PRICKLE3: variants seen among roughly 807,000 people sequenced by gnomAD.
The protein encoded by PRICKLE3 is LIM domain only protein 6.
Under a neutral mutation model 33.8 loss-of-function variants are expected in PRICKLE3, and 17 were observed. The observed-to-expected ratio is 0.50, with a 90% CI of 0.34 to 0.75. PRICKLE3 has a LOEUF of 0.75. Ranked by LOEUF, PRICKLE3 falls within the 30% of genes least tolerant of loss-of-function variation. The probability of loss-of-function intolerance (pLI) is 0.01; values close to 1 mark genes in which losing one functional copy is unlikely to be tolerated. For synonymous variants in PRICKLE3, 211 were observed against 219.6 expected (o/e 0.96, Z 0.34); for missense variants, 573 against 576.7 (o/e 0.99, Z 0.07).
At chrX:49,176,499 C>T (rs782114282) in intron 8 of PRICKLE3, among the ~76,000 whole-genome samples, 2 of 107,950 alleles carry the variant, frequency 1.9e-5, no homozygotes, top group African/African-American at 6.8e-5. Flanking sequence ...GTGTGGGGGG[C>T]GTGGCCAGGG....
intron 3 of PRICKLE3, among the ~76,000 whole-genome samples, chrX:49,183,426 G>A (rs2065467036): frequency 9.0e-6 from 1 of 111,687 alleles, no homozygotes; most frequent in African/African-American, 3.3e-5. Flanking sequence ...AGGCAGGGTG[G>A]CATGCACCTG....
intron 1 of PRICKLE3, among the ~76,000 whole-genome samples, chrX:49,185,945 A>T (rs2065481041): frequency 9.4e-6 from 1 of 106,402 alleles, no homozygotes; most frequent in East Asian, 3.0e-4. Flanking sequence ...GTTCCTGCTC[A>T]ACCTAAGGCT....
In PRICKLE3 at chrX:49,183,725, T is replaced by G. The variant is rs1557101481; in HGVS notation, c.312+9A>C. The G allele has an allele frequency of 8.3e-7, 1 of 1,211,653 alleles. No individual in the cohort carries two copies. The highest frequency in any genetic ancestry group is 1.1e-6 in the Non-Finnish European group (1 of 895,374). Reference sequence around the variant, plus strand: ...GGACAGCAAGAGTGGAGGGCTGGCCTCTGGTCACCTGCTCCGGCTTAAGGC... The same window carrying G: ...GGACAGCAAGAGTGGAGGGCTGGCCGCTGGTCACCTGCTCCGGCTTAAGGC... On this transcript the variant is annotated intron_variant, in intron 3 of 8. Coordinates refer to ENST00000599218, the MANE Select transcript of PRICKLE3 (RefSeq NM_006150.5).
chrX:49,180,853 T>C (rs940258811), intron 3 of PRICKLE3, among the ~76,000 whole-genome samples: 5 of 111,308 alleles, frequency 4.5e-5, no homozygotes, highest in African/African-American at 1.6e-4. Flanking sequence ...GACAAACACA[T>C]ACGTCCAGCT....
intron 7 of PRICKLE3, among the ~76,000 whole-genome samples, chrX:49,177,715 C>T (rs1399474389): frequency 3.6e-5 from 4 of 111,780 alleles, no homozygotes; most frequent in African/African-American, 9.8e-5. Flanking sequence ...AGGAGTAGGG[C>T]GAGCCCTGGG....
chrX:49,176,923 G>A lies in PRICKLE3; in HGVS notation c.1235C>T (p.Thr412Ile). Residue 412 changes from threonine to isoleucine, a missense_variant, in exon 8 of 9, where the codon ACC (threonine) becomes ATC (isoleucine). Transcript: ENST00000599218. ...KGASETTTKG[T>I]STELAPATGP... is the part of the protein sequence containing the mutation. ...CTCACCTGGCGCTAACTCTGTGCTGGTGCCTTTGGTGGTGGTCTCTGATGC... is the reference window on the plus strand; with the variant it reads ...CTCACCTGGCGCTAACTCTGTGCTGATGCCTTTGGTGGTGGTCTCTGATGC... 8.3e-7 allele frequency: 1 copy of A among 1,199,883 alleles called. No homozygotes were observed.
intron 3 of PRICKLE3, among the ~76,000 whole-genome samples, chrX:49,180,394 G>C (rs1379075278): frequency 1.8e-5 from 2 of 110,914 alleles, no homozygotes; most frequent in Non-Finnish European, 3.8e-5. Context: ...GAGCACTTGT[G>C]TTCACTCCAC....
Position 49,177,092 on chromosome X carries a change from G to A in PRICKLE3, c.1066C>T (p.Arg356Cys), listed in dbSNP as rs782820561. The A allele has an allele frequency of 8.3e-6, 10 of 1,202,556 alleles. No individual in the cohort carries two copies. In the African/African-American group the frequency reaches 1.0e-4, roughly 13 times the overall value. The change falls in exon 8 of 9, where the codon CGC (arginine) becomes TGC (cysteine). Residue 356 changes from arginine to cysteine, a missense_variant. Coordinates refer to ENST00000599218, the MANE Select transcript of PRICKLE3 (RefSeq NM_006150.5). ...RALLGRPFLP[R>C]RGLIFCSRAC... Reference sequence around the variant, plus strand: ...CGAGAGCAGAAGATTAGGCCTCGGCGTGGCAGGAATGGGCGGCCCAGCAGG... The same window carrying A: ...CGAGAGCAGAAGATTAGGCCTCGGCATGGCAGGAATGGGCGGCCCAGCAGG...
intron 3 of PRICKLE3, among the ~76,000 whole-genome samples, chrX:49,180,218 G>A (rs991678040): frequency 2.7e-5 from 3 of 109,136 alleles, no homozygotes; most frequent in African/African-American, 1.0e-4. Context: ...TTTTAGTAGA[G>A]ACAGGGTTTC....
Position 49,178,485 on chromosome X carries a change from G to A in PRICKLE3, c.565-10C>T, listed in dbSNP as rs371161610. ...CAATCTGCTTTCCGCACTGCCATGA[G>A]ACAAGCACCAAGATGGTTACCATCA... On this transcript the variant is annotated splice_polypyrimidine_tract_variant and intron_variant, in intron 5 of 8. Coordinates refer to ENST00000599218, the MANE Select transcript of PRICKLE3 (RefSeq NM_006150.5). The A allele has an allele frequency of 8.3e-7, 1 of 1,200,977 alleles. No individual in the cohort carries two copies. The highest frequency in any genetic ancestry group is 1.1e-6 in the Non-Finnish European group (1 of 886,525).
chrX:49,182,071 C>T (rs917376621), intron 3 of PRICKLE3, among the ~76,000 whole-genome samples: 26 of 109,209 alleles, frequency 2.4e-4, no homozygotes, highest in African/African-American at 7.4e-4. Flanking sequence ...CTCAGCCTCC[C>T]GAGTAGCTGG....
At chrX:49,177,562 G>C (rs1182902530) in intron 7 of PRICKLE3, among the ~76,000 whole-genome samples, 1 of 112,098 alleles carries the variant, frequency 8.9e-6, no homozygotes, top group Admixed American at 9.5e-5. Flanking sequence ...TGGCTGGTGG[G>C]GGCAGGGCTT....
chrX:49,177,408 C>G (rs915447781), intron 7 of PRICKLE3, among the ~76,000 whole-genome samples: 1 of 112,708 alleles, frequency 8.9e-6, no homozygotes, highest in African/African-American at 3.2e-5. Flanking sequence ...TGGTGAACCT[C>G]TCTCTCACTC....
chrX:49,179,705 T>A lies in PRICKLE3; in HGVS notation c.414A>T (p.Pro138=). 3 of 1,177,457 alleles carry A rather than the reference T, an allele frequency of 2.5e-6. No homozygotes were observed. In the Admixed American group the frequency reaches 7.1e-5, roughly 28 times the overall value. The part of the protein sequence containing the change: ...RIKQLLHQLP[P]HDSEAQYCTA... ...TCTCTCTCCTCACCTCACTGTCGTG[T>A]GGGGGCAGCTGGTGCAGCAGCTGCT... Residue 138 remains proline (P), a synonymous_variant, in exon 4 of 9, where the codon CCA becomes CCT. Transcript: ENST00000599218.
rs146977278 is a variant in PRICKLE3 at position 49,177,028 on chromosome X, G to C, written c.1130C>G (p.Pro377Arg). 4.1e-6 allele frequency: 5 copies of C among 1,209,214 alleles called. No individual in the cohort carries two copies. Among genetic ancestry groups the C allele is most frequent in the Admixed American group, 2.2e-5 (1 of 45,865 alleles). ...GCCGGCACTCCAGCTGCGGCGGCTC[G>C]GCCCTGGAGCTGTGGGCTCGGACCC... ...SLGSEPTAPG[P>R]SRRSWSAGPV... The change falls in exon 8 of 9, where the codon CCG becomes CGG. Residue 377 changes from proline (P) to arginine (R), a missense_variant. By Grantham distance (103) the Pro-to-Arg change is moderately radical. Transcript: ENST00000599218.
In PRICKLE3 at chrX:49,175,972, T is replaced by G. The variant is rs2065413668; in HGVS notation, c.1549A>C (p.Asn517His). 8.3e-7 allele frequency: 1 copy of G among 1,208,540 alleles called. No individual in the cohort carries two copies. The change falls in exon 9 of 9, where the codon AAT (asparagine) becomes CAT (histidine). Residue 517 changes from asparagine (N) to histidine (H), a missense_variant. Physicochemically the swap from Asn to His is moderately conservative, Grantham distance 68 (BLOSUM62 1). Transcript: ENST00000599218. Reference protein sequence around the residue: ...APSRRRHHHHNHHHHHNRHPS... With the variant: ...APSRRRHHHHHHHHHHNRHPS... ...TGGCGGTTGTGATGGTGATGGTGAT[T>G]ATGATGATGGTGGCGGCGACGGCTG...
chrX:49,175,968 T>A lies in PRICKLE3; in HGVS notation c.1553A>T (p.His518Leu), dbSNP rs782307349. ...PSRRRHHHHNHHHHHNRHPSR... is the reference protein window; with the variant it reads ...PSRRRHHHHNLHHHHNRHPSR... ...TGGGTGGCGGTTGTGATGGTGATGG[T>A]GATTATGATGATGGTGGCGGCGACG... Residue 518 changes from histidine (H) to leucine (L), a missense_variant, in exon 9 of 9, where the codon CAC becomes CTC. His to Leu is a moderately conservative substitution (Grantham distance 99, BLOSUM62 -3). Transcript: ENST00000599218. 8.3e-7 allele frequency: 1 copy of A among 1,210,174 alleles called. No individual in the cohort carries two copies.
chrX:49,177,623 G>A (rs1050833829), intron 7 of PRICKLE3, among the ~76,000 whole-genome samples: 4 of 111,626 alleles, frequency 3.6e-5, no homozygotes, highest in Non-Finnish European at 7.5e-5. Flanking sequence ...CAGAGGATAG[G>A]GTGTAGCTAG....
intron 1 of PRICKLE3, 105 bp downstream of exon 1, chrX:49,186,151 T>C: frequency 1.1e-6 from 1 of 947,881 alleles, no homozygotes; most frequent in South Asian, 2.3e-5. Context: ...GGGATGGGAT[T>C]CCCAGATCCT....
Sources: gnomAD v4.1 joint callset for allele counts (sites outside exome capture counted in the v4.1 genomes callset) on GRCh38, gnomAD v4.1.1 for gene constraint, MANE v1.5 for transcripts, NCBI Gene and HGNC (gene_info 2026-07-23, HGNC 2026-07-21) for gene names.